Variants in PPP2R3A observed in about 807,000 individuals in gnomAD.
The protein encoded by PPP2R3A is serine/threonine-protein phosphatase 2A regulatory subunit B'' subunit alpha.
In PPP2R3A, 80 loss-of-function variants were observed where a neutral mutation model predicts 106.9. That is an observed-to-expected ratio of 0.75 (90% CI 0.62 to 0.90). The LOEUF is 0.90. Ranked by LOEUF, PPP2R3A falls within the 40% of genes least tolerant of loss-of-function variation. The pLI is 0.00. For missense variants in PPP2R3A, 1,386 were observed against 1,350.4 expected (o/e 1.03, Z -0.41); for synonymous variants, 483 against 468.3 (o/e 1.03, Z -0.41).
intron 8 of PPP2R3A, among the ~76,000 whole-genome samples, chr3:136,085,712 A>G (rs566880326): frequency 1.3e-5 from 2 of 152,356 alleles, no homozygotes; most frequent in African/African-American, 4.8e-5. Flanking sequence ...TAGATATAGC[A>G]GAGTATGAAT....
chr3:136,125,626 C>T (rs533648582), intron 13 of PPP2R3A, among the ~76,000 whole-genome samples: 151 of 152,140 alleles, frequency 9.9e-4, no homozygotes, highest in African/African-American at 3.3e-3. Flanking sequence ...GTGGGAGGAT[C>T]GCTTGAGCCC....
intron 1 of PPP2R3A, among the ~76,000 whole-genome samples, chr3:135,990,129 G>C (rs1284000517): frequency 6.6e-6 from 1 of 152,146 alleles, no homozygotes; most frequent in Non-Finnish European, 1.5e-5. Flanking sequence ...AATCCAAACT[G>C]CCTTGAAGGC....
chr3:136,144,914 C>T, intron 13 of PPP2R3A, 129 bp from the exon 14 acceptor site: 2 of 972,008 alleles, frequency 2.1e-6, no homozygotes, highest in Non-Finnish European at 1.5e-6. Flanking sequence ...AGTTGAGTTG[C>T]TCACGGCCTC....
At chr3:136,109,018 T>C (rs1402142735) in intron 13 of PPP2R3A, among the ~76,000 whole-genome samples, 1 of 151,998 alleles carries the variant, frequency 6.6e-6, no homozygotes, top group Non-Finnish European at 1.5e-5. Flanking sequence ...GCAGCCATGG[T>C]AGAAAAGAAA....
intron 3 of PPP2R3A, among the ~76,000 whole-genome samples, chr3:136,039,645 A>C (rs1388059541): frequency 6.6e-6 from 1 of 152,176 alleles, no homozygotes; most frequent in East Asian, 1.9e-4. Context: ...CTCAGGTGGT[A>C]CTGCTCGCTC....
intron 2 of PPP2R3A, among the ~76,000 whole-genome samples, chr3:136,006,090 TAC>T (rs1467723293): frequency 1.3e-5 from 2 of 152,232 alleles, no homozygotes; most frequent in African/African-American, 4.8e-5. Flanking sequence ...TAGGTACAGC[TAC>T]CTTAAAATGC....
rs1040307036 is a variant in PPP2R3A, at chr3:136,106,077, A to G, written c.3223-139A>G. On this transcript the variant is annotated intron_variant, in intron 12 of 13. Transcript: ENST00000264977. ...AAAATTACCTTAGGAGTTTTACCTTAGCACCTCTTTTAAACCTGTTGAAAT... is the reference window on the plus strand; with the variant it reads ...AAAATTACCTTAGGAGTTTTACCTTGGCACCTCTTTTAAACCTGTTGAAAT... 117 of 687,868 alleles carry G rather than the reference A, an allele frequency of 1.7e-4. 1 individual carries two copies. The highest frequency in any genetic ancestry group is 2.9e-5 in the Non-Finnish European group (12 of 419,584). The allele number at this position is 687,868 out of a possible 1,614,324, so 42.6% of individuals were successfully genotyped here. A position where few individuals can be genotyped will look rare whatever the true frequency, so the allele number is the denominator to read the frequency against.
At chr3:135,980,802 C>T (rs960177192) in intron 1 of PPP2R3A, among the ~76,000 whole-genome samples, 1 of 151,832 alleles carries the variant, frequency 6.6e-6, no homozygotes, top group Non-Finnish European at 1.5e-5. Context: ...GCTTGGTAAC[C>T]ACTGATGTTC....
intron 2 of PPP2R3A, among the ~76,000 whole-genome samples, chr3:136,005,217 A>G (rs1933799318): frequency 6.6e-6 from 1 of 152,200 alleles, no homozygotes; most frequent in South Asian, 2.1e-4. Context: ...AGCTATGTGT[A>G]TATATGAAAC....
chr3:136,143,396 C>G (rs997612881), intron 13 of PPP2R3A, among the ~76,000 whole-genome samples: 1 of 152,130 alleles, frequency 6.6e-6, no homozygotes, highest in Non-Finnish European at 1.5e-5. Context: ...GAGGCTGAGG[C>G]AGGAGAATTG....
intron 13 of PPP2R3A, among the ~76,000 whole-genome samples, chr3:136,129,359 C>A (rs1274060277): frequency 3.3e-5 from 5 of 152,114 alleles, no homozygotes; most frequent in Non-Finnish European, 5.9e-5. Flanking sequence ...CACAGAAATA[C>A]AAACTACCAT....
At chr3:136,089,205 T>C (rs191079516) in intron 9 of PPP2R3A, among the ~76,000 whole-genome samples, 111 of 152,304 alleles carry the variant, frequency 7.3e-4, no homozygotes, top group Admixed American at 3.1e-3. Context: ...CTAGAATTGT[T>C]ATAGTTTCAG....
At chr3:135,992,095 A>C (rs1205350167) in intron 1 of PPP2R3A, among the ~76,000 whole-genome samples, 1 of 152,134 alleles carries the variant, frequency 6.6e-6, no homozygotes, top group East Asian at 1.9e-4. Flanking sequence ...TGAAGTGGAC[A>C]TGACAAATAA....
chr3:136,082,233 A>G, intron 7 of PPP2R3A, 32 bp from the exon 8 acceptor site: 2 of 1,531,990 alleles, frequency 1.3e-6, no homozygotes, highest in Middle Eastern at 1.8e-4. Context: ...CTTTTTCATA[A>G]TGTTTAAATT....
At chr3:136,132,787 T>C (rs966502895) in intron 13 of PPP2R3A, among the ~76,000 whole-genome samples, 3 of 151,860 alleles carry the variant, frequency 2.0e-5, no homozygotes, top group African/African-American at 7.3e-5. Flanking sequence ...ATGAAAAATA[T>C]CTAGAATAGC....
Position 136,003,171 on chromosome 3 carries a change from C to T in PPP2R3A, c.1673C>T (p.Ser558Phe), listed in dbSNP as rs1299181183. ...ACCCTTGTAGATCTTGAGCCTAAAT[C>T]TAAAGTCTCTTCACCCATAGAAAAA... is the stretch of plus-strand genomic sequence containing the variant. Reference protein sequence around the residue: ...GQTLVDLEPKSKVSSPIEKVS... With the variant: ...GQTLVDLEPKFKVSSPIEKVS... Residue 558 changes from serine (S) to phenylalanine (F), a missense_variant, in exon 2 of 14, where the codon TCT (serine) becomes TTT (phenylalanine). By Grantham distance (155) the Ser-to-Phe change is radical (BLOSUM62 -2). Transcript: ENST00000264977. The T allele has an allele frequency of 1.2e-6, 2 of 1,613,648 alleles. No homozygotes were observed. The highest frequency in any genetic ancestry group is 1.1e-5 in the South Asian group (1 of 91,054).
chr3:135,992,820 G>C (rs1933230320), intron 1 of PPP2R3A, among the ~76,000 whole-genome samples: 2 of 152,226 alleles, frequency 1.3e-5, no homozygotes, highest in African/African-American at 4.8e-5. Flanking sequence ...CAAGATTTGA[G>C]CATATATAAG....
chr3:136,028,101 A>T (rs1378525031), intron 3 of PPP2R3A, among the ~76,000 whole-genome samples: 1 of 152,194 alleles, frequency 6.6e-6, no homozygotes, highest in African/African-American at 2.4e-5. Flanking sequence ...TTGCCCTCTC[A>T]TAGGCACACC....
At chr3:135,991,698 C>A (rs2107774326) in intron 1 of PPP2R3A, among the ~76,000 whole-genome samples, 1 of 152,252 alleles carries the variant, frequency 6.6e-6, no homozygotes. Context: ...ATTTTTCATC[C>A]TGTTTTTCCT....
Sources: allele counts gnomAD v4.1 joint callset (sites outside exome capture counted in the v4.1 genomes callset), GRCh38; gene constraint gnomAD v4.1.1; transcripts MANE v1.5; gene names NCBI Gene and HGNC (gene_info 2026-07-23, HGNC 2026-07-21).